The following NRG1 variants were observed in gnomAD, a reference collection of about 807,000 sequenced individuals.
NRG1 encodes pro-neuregulin-1, membrane-bound isoform.
Under a neutral mutation model 63.8 loss-of-function variants are expected in NRG1, and 18 were observed. The ratio of observed to expected loss-of-function variants is 0.28; its 90% CI spans 0.19 to 0.42. The LOEUF (loss-of-function observed/expected upper bound fraction) is 0.42. Ranked by LOEUF, NRG1 falls within the 10% of genes least tolerant of loss-of-function variation. The probability of loss-of-function intolerance (pLI) is 1.00; values close to 1 mark genes in which losing one functional copy is unlikely to be tolerated. For missense variants in NRG1, 762 were observed against 814.7 expected, an observed-to-expected ratio of 0.94 and a Z score of 0.79; for synonymous variants, 302 against 301.3, an observed-to-expected ratio of 1.00 and a Z score of -0.02.
intron 1 of NRG1, among the ~76,000 whole-genome samples, chr8:31,673,283 C>T (rs184900478): frequency 4.2e-3 from 635 of 152,246 alleles, no homozygotes; most frequent in Non-Finnish European, 6.8e-3. Flanking sequence ...TAGAGAAACA[C>T]TGATTCTCTT....
intron 1 of NRG1, among the ~76,000 whole-genome samples, chr8:32,041,031 A>C (rs562600420): frequency 7.2e-5 from 11 of 152,090 alleles, no homozygotes. Flanking sequence ...AAAATTTCTG[A>C]CATCTGATGA....
chr8:32,694,237 G>C (rs1312360674), intron 5 of NRG1, among the ~76,000 whole-genome samples: 1 of 152,162 alleles, frequency 6.6e-6, no homozygotes, highest in African/African-American at 2.4e-5. Context: ...ACACTTGTTA[G>C]TATCAATTAT....
intron 9 of NRG1, among the ~76,000 whole-genome samples, chr8:32,758,433 T>C (rs1830053163): frequency 6.6e-6 from 1 of 151,726 alleles, no homozygotes; most frequent in Non-Finnish European, 1.5e-5. Context: ...AAAAATTAGC[T>C]GGGCATGGTG....
intron 5 of NRG1, among the ~76,000 whole-genome samples, chr8:32,629,561 A>T (rs1338181027): frequency 7.9e-5 from 12 of 152,252 alleles, no homozygotes. Flanking sequence ...GGGCACAGAT[A>T]TTTAAGTATT....
At chr8:32,195,176 A>G (rs1302777671) in intron 1 of NRG1, among the ~76,000 whole-genome samples, 1 of 152,192 alleles carries the variant, frequency 6.6e-6, no homozygotes, top group Admixed American at 6.5e-5. Flanking sequence ...GCTGGGTGCT[A>G]TAATCCCAGC....
intron 5 of NRG1, among the ~76,000 whole-genome samples, chr8:32,714,433 T>C (rs532220460): frequency 1.3e-5 from 2 of 152,354 alleles, no homozygotes; most frequent in Non-Finnish European, 2.9e-5. Flanking sequence ...ATGTTTAGTC[T>C]GCTTAAAATT....
At chr8:32,578,971 T>C (rs894667136) in intron 1 of NRG1, among the ~76,000 whole-genome samples, 1 of 152,130 alleles carries the variant, frequency 6.6e-6, no homozygotes, top group African/African-American at 2.4e-5. Flanking sequence ...AATTTTTAGG[T>C]TTATTAAATT....
At chr8:32,373,894 A>T (rs1406746666) in intron 1 of NRG1, among the ~76,000 whole-genome samples, 1 of 152,230 alleles carries the variant, frequency 6.6e-6, no homozygotes, top group Non-Finnish European at 1.5e-5. Context: ...CAATTAAGTC[A>T]ATTACCTGAC....
chr8:31,823,118 T>C (rs1393118306), intron 1 of NRG1, among the ~76,000 whole-genome samples: 1 of 4,600 alleles, frequency 2.2e-4, no homozygotes, highest in African/African-American at 5.9e-4. Context: ...GTCCTTGTTC[T>C]TTTTTTTTTT....
At chr8:31,809,806 G>GCCAT (rs1009709120) in intron 1 of NRG1, among the ~76,000 whole-genome samples, 3 of 114,464 alleles carry the variant, frequency 2.6e-5, no homozygotes, top group African/African-American at 9.9e-5. Flanking sequence ...GCATATACAA[G>GCCAT]CCATTGTTTC....
intron 1 of NRG1, among the ~76,000 whole-genome samples, chr8:31,867,095 T>C (rs1310667032): frequency 6.6e-6 from 1 of 152,178 alleles, no homozygotes; most frequent in East Asian, 1.9e-4. Context: ...TTACCTCTTC[T>C]TTTTTTCCTC....
At chr8:32,308,457 C>T (rs761806883) in intron 1 of NRG1, among the ~76,000 whole-genome samples, 27 of 152,328 alleles carry the variant, frequency 1.8e-4, no homozygotes, top group Middle Eastern at 6.8e-3. Flanking sequence ...TCCCAACCAC[C>T]AGCTTTACTC....
chr8:32,754,330 T>C, intron 7 of NRG1, 42 bp from the exon 8 acceptor site: 1 of 1,578,706 alleles, frequency 6.3e-7, no homozygotes, highest in Non-Finnish European at 8.7e-7. Context: ...TCCTGGCAAG[T>C]GGAAGTGACC....
At chr8:31,927,534 C>T (rs1178606528) in intron 1 of NRG1, among the ~76,000 whole-genome samples, 2 of 145,914 alleles carry the variant, frequency 1.4e-5, no homozygotes, top group Admixed American at 6.9e-5. Context: ...CTGCAAGCTC[C>T]GCCTCCGGGG....
chr8:32,582,380 G>T (rs1330889169), intron 1 of NRG1, among the ~76,000 whole-genome samples: 1 of 152,186 alleles, frequency 6.6e-6, no homozygotes, highest in Non-Finnish European at 1.5e-5. Flanking sequence ...TTACAGGCGT[G>T]AGACACGGCG....
At chr8:31,814,452 G>A (rs1823239096) in intron 1 of NRG1, among the ~76,000 whole-genome samples, 1 of 152,102 alleles carries the variant, frequency 6.6e-6, no homozygotes, top group Non-Finnish European at 1.5e-5. Flanking sequence ...TTTTGGGAGA[G>A]CTAAATTAGG....
chr8:32,579,848 T>C (rs548703999), intron 1 of NRG1, among the ~76,000 whole-genome samples: 3 of 152,302 alleles, frequency 2.0e-5, no homozygotes, highest in Admixed American at 1.3e-4. Flanking sequence ...TGGGCTAAAA[T>C]TGAAGTGTTG....
intron 1 of NRG1, among the ~76,000 whole-genome samples, chr8:32,080,495 A>G (rs1219169819): frequency 6.6e-6 from 1 of 152,160 alleles, no homozygotes; most frequent in Non-Finnish European, 1.5e-5. Flanking sequence ...TTATAGAAAC[A>G]GTGATAGGAA....
At chr8:32,385,622 T>G (rs1336792130) in intron 1 of NRG1, among the ~76,000 whole-genome samples, 1 of 151,830 alleles carries the variant, frequency 6.6e-6, no homozygotes, top group Non-Finnish European at 1.5e-5. Context: ...AGCCAGGAGG[T>G]GCTACACACT....
Sources: gnomAD v4.1 joint callset for allele counts (sites outside exome capture counted in the v4.1 genomes callset) on GRCh38, gnomAD v4.1.1 for gene constraint, MANE v1.5 for transcripts, NCBI Gene and HGNC (gene_info 2026-07-23, HGNC 2026-07-21) for gene names.